Variants in SRPRB observed in about 807,000 individuals in gnomAD.
SRPRB encodes SRP receptor subunit beta, also known as signal recognition particle receptor subunit beta.
In SRPRB, 20 loss-of-function variants were observed where a neutral mutation model predicts 31.9. The observed-to-expected ratio is 0.63, with a 90% CI of 0.44 to 0.91. SRPRB has a LOEUF of 0.91. SRPRB is among the 40% of genes least tolerant of loss of function. The pLI is 0.00. For missense variants in SRPRB, 321 were observed against 324.9 expected (o/e 0.99, Z 0.09); for synonymous variants, 146 against 132.8 (o/e 1.10, Z -0.68).
intron 1 of SRPRB, chr3:133,785,193 G>A (rs1934633757): frequency 2.0e-5 from 2 of 101,310 alleles, no homozygotes; most frequent in African/African-American, 3.6e-5. Context: ...CCCTCCGCCC[G>A]GCCAGCCGCC....
At chr3:133,827,540 C>T (rs753606684), downstream of SRPRB, 6 of 235,528 alleles carry the variant, frequency 2.5e-5, no homozygotes, top group Non-Finnish European at 4.1e-5. Context: ...AAGCAGCCTT[C>T]TGGAGACCCC....
rs1013531913 is a variant in SRPRB at position 133,819,550 on chromosome 3, C to T, written c.603-3C>T. The T allele has an allele frequency of 2.5e-6, 4 of 1,610,168 alleles. No individual in the cohort carries two copies. In the African/African-American group the frequency reaches 5.3e-5, roughly 22 times the overall value. ...TCCTGACTTCTTTCCTTTTGCCCCA[C>T]AGCAACACCTTACGAGTTACCCGTT... On this transcript the variant is annotated splice_polypyrimidine_tract_variant and splice_region_variant and intron_variant, in intron 6 of 6. Transcript: ENST00000678299.
At chr3:133,814,203 C>T (rs572055089) in intron 4 of SRPRB, among the ~76,000 whole-genome samples, 1 of 147,592 alleles carries the variant, frequency 6.8e-6, no homozygotes, top group South Asian at 2.2e-4. Context: ...GCGATCTTGG[C>T]TCGCTGCAAG....
Position 133,805,935 on chromosome 3 carries a change from G to T in SRPRB, c.87G>T (p.Glu29Asp), listed in dbSNP as rs1218640724. 2 of 1,613,978 alleles carry T rather than the reference G, an allele frequency of 1.2e-6. No individual in the cohort carries two copies. Among genetic ancestry groups the T allele is most frequent in the African/African-American group, 2.7e-5 (2 of 74,946 alleles). The change falls in exon 1 of 7, where the codon GAG becomes GAT. Residue 29 changes from glutamate (E) to aspartate (D), a missense_variant. Glu to Asp is a conservative substitution (Grantham distance 45, BLOSUM62 2). Coordinates refer to ENST00000678299, the MANE Select transcript of SRPRB (RefSeq NM_001379313.1). The stretch of plus-strand genomic sequence containing the variant: ...CCTACCTAGACACCTTGCGGCAGGA[G>T]CTGCAGCAGACGGACCCAACGCTGT... ...FQPYLDTLRQ[E>D]LQQTDPTLLS...
intron 6 of SRPRB, among the ~76,000 whole-genome samples, chr3:133,819,350 A>ACCCCCCCCCCCCCC (rs3842571): frequency 2.1e-5 from 3 of 146,146 alleles, no homozygotes; most frequent in African/African-American, 5.0e-5. Context: ...GTGAGGTCTG[A>ACCCCCCCCCCCCCC]CCCCCCCAGC....
In SRPRB at chr3:133,805,877, C is replaced by T. The variant is rs757546670; in HGVS notation, c.29C>T (p.Ala10Val). ...GCTTCCGCGGACTCGCGCCGGGTGGCAGATGGCGGCGGTGCCGGGGGCACC... is the reference window on the plus strand; with the variant it reads ...GCTTCCGCGGACTCGCGCCGGGTGGTAGATGGCGGCGGTGCCGGGGGCACC... MASADSRRV[A>V]DGGGAGGTFQ... Residue 10 changes from alanine to valine, a missense_variant, in exon 1 of 7, where the codon GCA becomes GTA. Transcript: ENST00000678299. 4 of 1,612,088 alleles carry T rather than the reference C, an allele frequency of 2.5e-6. No individual in the cohort carries two copies. Among genetic ancestry groups the T allele is most frequent in the African/African-American group, 1.3e-5 (1 of 74,878 alleles).
chr3:133,804,954 T>C (rs567466141), upstream of SRPRB, among the ~76,000 whole-genome samples: 1 of 152,364 alleles, frequency 6.6e-6, no homozygotes, highest in African/African-American at 2.4e-5. Context: ...GTGTTTTATT[T>C]GGGCCACAAG....
At chr3:133,821,795 C>T (rs967985210), downstream of SRPRB, among the ~76,000 whole-genome samples, 2 of 152,158 alleles carry the variant, frequency 1.3e-5, no homozygotes, top group African/African-American at 2.4e-5. Context: ...TTTTGTCAGT[C>T]GCATGGCACC....
intron 1 of SRPRB, chr3:133,794,569 A>C (rs1207692086): frequency 6.6e-6 from 1 of 152,216 alleles, no homozygotes; most frequent in Non-Finnish European, 1.5e-5. Context: ...GAAACTGAAG[A>C]TTGTATCTTC....
chr3:133,788,557 A>G (rs1934746366), intron 1 of SRPRB: 1 of 152,220 alleles, frequency 6.6e-6, no homozygotes, highest in African/African-American at 2.4e-5. Context: ...CTGGTAACAT[A>G]TTTTGGCAAG....
chr3:133,819,857 A>C lies in SRPRB; in HGVS notation c.*91A>C. 1 of 1,137,170 alleles carries C rather than the reference A, an allele frequency of 8.8e-7. No individual in the cohort carries two copies. Among genetic ancestry groups the C allele is most frequent in the African/African-American group, 1.5e-5 (1 of 65,008 alleles). 70.4% of individuals were successfully genotyped at this position (1,137,170 alleles called of 1,614,324 possible). A position where few individuals can be genotyped will look rare whatever the true frequency, so the allele number is the denominator to read the frequency against. ...TCTGGAGTTGATGAGGAAGGGGTAC[A>C]AGATGTGGTTAGAAACATTTCTTTG... On this transcript the variant is annotated 3_prime_UTR_variant, in exon 7 of 7. Coordinates refer to ENST00000678299, the MANE Select transcript of SRPRB (RefSeq NM_001379313.1).
chr3:133,784,485 AT>A (rs1488699045), intron 1 of SRPRB: 5 of 145,094 alleles, frequency 3.4e-5, no homozygotes, highest in African/African-American at 5.1e-5. Flanking sequence ...AATAATAATA[AT>A]AATAATAATA....
chr3:133,819,049 A>T (rs573573848), intron 6 of SRPRB, among the ~76,000 whole-genome samples: 51 of 152,124 alleles, frequency 3.4e-4, no homozygotes, highest in African/African-American at 1.1e-3. Flanking sequence ...TACATTGGGA[A>T]GGTTTTGGTG....
At chr3:133,828,431 A>G (rs965063744), downstream of SRPRB, 1 of 379,270 alleles carries the variant, frequency 2.6e-6, no homozygotes, top group Non-Finnish European at 4.8e-6. Context: ...AAGTTTACAA[A>G]TATACAAAAA....
At chr3:133,786,370 G>T (rs973798654) in intron 1 of SRPRB, 1 of 151,630 alleles carries the variant, frequency 6.6e-6, no homozygotes, top group African/African-American at 2.4e-5. Context: ...GTTTTGGTTG[G>T]GGGGGGTGGC....
Position 133,815,612 on chromosome 3 carries a change from A to C in SRPRB, c.433A>C (p.Ser145Arg), listed in dbSNP as rs1321154309. ...SARAIVFVVD[S>R]AAFQREVKDV... ...CAGGGCTATTGTGTTTGTTGTGGAT[A>C]GTGCAGCATTCCAGCGAGAGGTGAA... is the stretch of plus-strand genomic sequence containing the variant. The change falls in exon 5 of 7, where the codon AGT becomes CGT. Residue 145 changes from serine (S) to arginine (R), a missense_variant. Physicochemically the swap from Ser to Arg is moderately radical, Grantham distance 110. Transcript: ENST00000678299. 1.9e-6 allele frequency: 3 copies of C among 1,613,868 alleles called. No homozygotes were observed. The African/African-American group carries it at 4.0e-5, about 22-fold the overall frequency.
At chr3:133,792,131 T>C (rs1934854428) in intron 1 of SRPRB, 1 of 152,188 alleles carries the variant, frequency 6.6e-6, no homozygotes, top group East Asian at 1.9e-4. Flanking sequence ...TTTTGGAGCA[T>C]TAGATTCTAG....
chr3:133,806,043 A>G, intron 1 of SRPRB, 41 bp downstream of exon 1: 1 of 1,599,986 alleles, frequency 6.3e-7, no homozygotes, highest in Non-Finnish European at 8.5e-7. Flanking sequence ...TGGGGCGGGC[A>G]GAGGTCCGGG....
At chr3:133,803,168 T>C (rs1053033228), upstream of SRPRB, among the ~76,000 whole-genome samples, 1 of 152,204 alleles carries the variant, frequency 6.6e-6, no homozygotes, top group African/African-American at 2.4e-5. Context: ...AGCTGGTCTC[T>C]CTGTCTGAAG....
Sources: gnomAD v4.1 joint callset for allele counts (sites outside exome capture counted in the v4.1 genomes callset) on GRCh38, gnomAD v4.1.1 for gene constraint, MANE v1.5 for transcripts, NCBI Gene and HGNC (gene_info 2026-07-23, HGNC 2026-07-21) for gene names.